The following GLI3 variants were observed in gnomAD, a reference collection of about 807,000 sequenced individuals.
The protein encoded by GLI3 is GLI family zinc finger 3.
A neutral mutation model predicts 100.8 loss-of-function variants in GLI3; 20 were observed. That is an observed-to-expected ratio of 0.20 (90% CI 0.14 to 0.29). The LOEUF is 0.29. GLI3 is among the 10% of genes least tolerant of loss of function. GLI3 has a pLI of 1.00. For missense variants in GLI3, 2,040 were observed against 2,128.5 expected (o/e 0.96, Z 0.82); for synonymous variants, 938 against 860.5 (o/e 1.09, Z -1.58).
intron 2 of GLI3, among the ~76,000 whole-genome samples, chr7:42,202,572 G>A (rs1351241395): frequency 1.3e-5 from 2 of 152,156 alleles, no homozygotes; most frequent in African/African-American, 4.8e-5. Flanking sequence ...AAGGTTATGG[G>A]TTTCATGTCC....
At chr7:42,172,689 G>T in intron 2 of GLI3, 1 of 699,004 alleles carries the variant, frequency 1.4e-6, no homozygotes, top group Non-Finnish European at 2.6e-6. Flanking sequence ...ATGGTTGCCT[G>T]GGAGAAGGGG....
intron 2 of GLI3, chr7:42,172,611 C>T (rs76999720): frequency 0.067 from 47,006 of 702,958 alleles, 1,809 homozygotes; most frequent in African/African-American, 0.098. Context: ...GTCGTTTGTG[C>T]AGCAGCAGGG....
chr7:42,078,111 A>G lies in GLI3; in HGVS notation c.368-1254T>C, dbSNP rs994031808. The stretch of plus-strand genomic sequence containing the variant: ...CGGACAGGTTCTGATCGACCACCTA[A>G]GAATGCACAGAGCGTCCCCCCGCTG... On this transcript the variant is annotated intron_variant, in intron 3 of 14. Coordinates refer to ENST00000395925, the MANE Select transcript of GLI3 (RefSeq NM_000168.6). 3.3e-5 allele frequency among the ~76,000 whole-genome samples: 5 copies of G among 152,194 alleles called. No individual in the cohort carries two copies. In the East Asian group the frequency reaches 7.7e-4, roughly 23 times the overall value.
At chr7:42,149,225 G>A (rs752211359) in intron 2 of GLI3, among the ~76,000 whole-genome samples, 2 of 152,218 alleles carry the variant, frequency 1.3e-5, no homozygotes, top group African/African-American at 2.4e-5. Context: ...CTCTGAGGGT[G>A]AGGAAGGAAG....
At chr7:42,002,236 T>C (rs184947573) in intron 10 of GLI3, among the ~76,000 whole-genome samples, 44 of 152,266 alleles carry the variant, frequency 2.9e-4, no homozygotes, top group Non-Finnish European at 6.2e-4. Flanking sequence ...CTAAAAATTA[T>C]AGAGAATTGT....
At chr7:42,170,113 G>A (rs993050036) in intron 2 of GLI3, among the ~76,000 whole-genome samples, 6 of 151,208 alleles carry the variant, frequency 4.0e-5, no homozygotes, top group South Asian at 2.1e-4. Context: ...TTAGCTGGGC[G>A]TGCTGGGACG....
chr7:41,991,672 G>A (rs1187962504), intron 10 of GLI3, among the ~76,000 whole-genome samples: 1 of 152,200 alleles, frequency 6.6e-6, no homozygotes, highest in Non-Finnish European at 1.5e-5. Context: ...CATAGGCATT[G>A]TGCCTGAGTC....
chr7:41,992,280 G>A (rs1454457293), intron 10 of GLI3, among the ~76,000 whole-genome samples: 2 of 152,178 alleles, frequency 1.3e-5, no homozygotes, highest in Non-Finnish European at 2.9e-5. Flanking sequence ...ATTAGAGAGA[G>A]GAGTAACAGG....
At chr7:42,200,557 T>C (rs1788017795) in intron 2 of GLI3, among the ~76,000 whole-genome samples, 1 of 152,132 alleles carries the variant, frequency 6.6e-6, no homozygotes, top group Admixed American at 6.5e-5. Context: ...AGTGTTGAAG[T>C]GATGGGGAGG....
At chr7:42,259,203 A>G (rs568210245) in intron 1 of GLI3, among the ~76,000 whole-genome samples, 2 of 152,364 alleles carry the variant, frequency 1.3e-5, no homozygotes, top group Admixed American at 1.3e-4. Flanking sequence ...GACCATTGCT[A>G]CATTATTCTT....
At chr7:42,040,581 A>G (rs1673613200) in intron 6 of GLI3, among the ~76,000 whole-genome samples, 1 of 152,212 alleles carries the variant, frequency 6.6e-6, no homozygotes, top group African/African-American at 2.4e-5. Context: ...AATTCACCAC[A>G]AGCGACAAAG....
chr7:41,970,495 G>A (rs915019843), intron 13 of GLI3, among the ~76,000 whole-genome samples: 3 of 151,970 alleles, frequency 2.0e-5, no homozygotes, highest in Admixed American at 6.5e-5. Flanking sequence ...GTTCTAGGTT[G>A]GTGCCAAAGT....
chr7:42,264,151 A>C, upstream of GLI3, among the ~76,000 whole-genome samples: 1 of 152,198 alleles, frequency 6.6e-6, no homozygotes, highest in Non-Finnish European at 1.5e-5. Flanking sequence ...GAAGCCTATC[A>C]GGAGACTTCC....
chr7:42,011,211 C>T (rs539306093), intron 10 of GLI3, among the ~76,000 whole-genome samples: 1 of 152,316 alleles, frequency 6.6e-6, no homozygotes, highest in African/African-American at 2.4e-5. Context: ...GAGCACTCCA[C>T]AGCCAGACTG....
At chr7:42,066,705 C>G (rs1784682563) in intron 4 of GLI3, among the ~76,000 whole-genome samples, 1 of 152,172 alleles carries the variant, frequency 6.6e-6, no homozygotes, top group African/African-American at 2.4e-5. Flanking sequence ...GAGAATGGAG[C>G]CTAGCATGGC....
In GLI3 at chr7:42,146,204, G is replaced by A. The variant is rs1786704977; in HGVS notation, c.367+2022C>T. ...GATTTGGACAATATTGTGGGAGAAT[G>A]TAACGAATAATCCACTATGAATGCT... On this transcript the variant is annotated intron_variant, in intron 3 of 14. Coordinates refer to ENST00000395925, the MANE Select transcript of GLI3 (RefSeq NM_000168.6). Among the ~76,000 whole-genome samples the A allele has an allele frequency of 5.3e-5, 8 of 152,300 alleles. No homozygotes were observed. In the South Asian group the frequency reaches 1.7e-3, roughly 32 times the overall value.
chr7:42,261,814 G>T (rs1215005770), intron 1 of GLI3, among the ~76,000 whole-genome samples: 1 of 152,000 alleles, frequency 6.6e-6, no homozygotes, highest in Admixed American at 6.6e-5. Flanking sequence ...GTGAGTTGAA[G>T]TCTGGGTTGA....
In GLI3 at chr7:42,025,211, G is replaced by A. The variant is rs1467711223; in HGVS notation, c.1356+53C>T. 3.3e-6 allele frequency: 4 copies of A among 1,214,466 alleles called. No individual in the cohort carries two copies. In the East Asian group the frequency reaches 9.3e-5, roughly 28 times the overall value. 75.2% of individuals were successfully genotyped at this position (1,214,466 alleles called of 1,614,324 possible). A position where few individuals can be genotyped will look rare whatever the true frequency, so the allele number is the denominator to read the frequency against. ...GGGAGGAAGCGGGAGCTGACCCAAA[G>A]ACACCAGTCTTGGGAGGAGTGGGCG... On this transcript the variant is annotated intron_variant, in intron 9 of 14. Coordinates refer to ENST00000395925, the MANE Select transcript of GLI3 (RefSeq NM_000168.6).
rs887728514 is a variant in GLI3, at chr7:41,990,340, G to A, written c.1498-11592C>T. 2.6e-5 allele frequency among the ~76,000 whole-genome samples: 4 copies of A among 152,110 alleles called. No homozygotes were observed. In the East Asian group the frequency reaches 7.7e-4, roughly 29 times the overall value. On this transcript the variant is annotated intron_variant, in intron 10 of 14. Transcript: ENST00000395925. Reference sequence around the variant, plus strand: ...ATCCACATGAAGCCTAAGCATATAGGTATTACTAGTAAAGGATCTGAACAT... The same window carrying A: ...ATCCACATGAAGCCTAAGCATATAGATATTACTAGTAAAGGATCTGAACAT...
Sources: allele counts gnomAD v4.1 joint callset (sites outside exome capture counted in the v4.1 genomes callset), GRCh38; gene constraint gnomAD v4.1.1; transcripts MANE v1.5; gene names NCBI Gene and HGNC (gene_info 2026-07-23, HGNC 2026-07-21).